TSPAN15: variants seen among roughly 807,000 people sequenced by gnomAD.
The protein encoded by TSPAN15 is tetraspanin 15, also known as tetraspanin-15.
TSPAN15 carries 20 observed loss-of-function variants against 34.5 expected under a neutral mutation model. That is an observed-to-expected ratio of 0.58 (90% CI 0.41 to 0.84). TSPAN15 has a LOEUF of 0.84. TSPAN15 is among the 40% of genes least tolerant of loss of function. The probability of loss-of-function intolerance (pLI) is 0.00; values close to 1 mark genes in which losing one functional copy is unlikely to be tolerated. For missense variants in TSPAN15, 313 were observed against 386.1 expected (o/e 0.81, Z 1.59); for synonymous variants, 155 against 153.9 (o/e 1.01, Z -0.05).
chr10:69,508,639 A>G (rs1484941962), downstream of TSPAN15, among the ~76,000 whole-genome samples: 1 of 149,558 alleles, frequency 6.7e-6, no homozygotes, highest in African/African-American at 2.6e-5. Context: ...TAACACAACA[A>G]TAACAAACAC....
chr10:69,533,300 G>A, the TSPAN15 span, among the ~76,000 whole-genome samples: 1 of 151,922 alleles, frequency 6.6e-6, no homozygotes, highest in Admixed American at 6.6e-5. Context: ...TAAAGAAACT[G>A]TGATATATAT....
At chr10:69,501,166 G>A (rs184379875) in intron 5 of TSPAN15, among the ~76,000 whole-genome samples, 1 of 152,192 alleles carries the variant, frequency 6.6e-6, no homozygotes, top group Admixed American at 6.5e-5. Flanking sequence ...CCGTGGACGT[G>A]GGGGGTTTGA....
At chr10:69,481,258 T>TC (rs1461894585) in intron 1 of TSPAN15, among the ~76,000 whole-genome samples, 1 of 152,204 alleles carries the variant, frequency 6.6e-6, no homozygotes, top group Non-Finnish European at 1.5e-5. Flanking sequence ...GCTGAGCTTG[T>TC]CAGTGTCTTG....
the TSPAN15 span, among the ~76,000 whole-genome samples, chr10:69,541,785 C>G: frequency 6.6e-6 from 1 of 152,218 alleles, no homozygotes; most frequent in Non-Finnish European, 1.5e-5. Context: ...AAGCAATGGC[C>G]TAAGCTATAC....
chr10:69,507,944 G>A (rs1652802), downstream of TSPAN15, among the ~76,000 whole-genome samples: 59,605 of 151,658 alleles, frequency 0.39, 12,126 homozygotes, highest in African/African-American at 0.5. Flanking sequence ...CCAGGGAAGC[G>A]GAGTTGCCCA....
chr10:69,543,441 G>A, the TSPAN15 span, among the ~76,000 whole-genome samples: 105 of 152,218 alleles, frequency 6.9e-4, no homozygotes, highest in Admixed American at 2.2e-3. Context: ...AATCAAATTC[G>A]TCCACTGTCT....
At chr10:69,472,736 G>A (rs1290369649) in intron 1 of TSPAN15, among the ~76,000 whole-genome samples, 3 of 152,188 alleles carry the variant, frequency 2.0e-5, no homozygotes, top group Non-Finnish European at 2.9e-5. Context: ...TTTACTGAGC[G>A]CCTGCCGGGT....
intron 5 of TSPAN15, among the ~76,000 whole-genome samples, chr10:69,503,303 C>T (rs1283975544): frequency 1.3e-5 from 2 of 152,166 alleles, no homozygotes; most frequent in East Asian, 1.9e-4. Context: ...GAGAAGACAC[C>T]CTCCCTTTCC....
chr10:69,521,321 C>T, the TSPAN15 span, among the ~76,000 whole-genome samples: 3 of 138,762 alleles, frequency 2.2e-5, 1 homozygote, highest in African/African-American at 7.7e-5. Context: ...ACCAGCCTGG[C>T]CAACATGGCG....
At chr10:69,532,568 A>T in the TSPAN15 span, among the ~76,000 whole-genome samples, 2 of 152,260 alleles carry the variant, frequency 1.3e-5, no homozygotes, top group African/African-American at 4.8e-5. Flanking sequence ...ACTTGAAACT[A>T]TAAAAATTCT....
the TSPAN15 span, among the ~76,000 whole-genome samples, chr10:69,547,039 T>TA: frequency 6.6e-5 from 10 of 151,766 alleles, no homozygotes; most frequent in African/African-American, 2.4e-4. Flanking sequence ...AATACAAAAT[T>TA]AAAAATATAA....
At chr10:69,459,112 A>T (rs1841183692) in intron 1 of TSPAN15, among the ~76,000 whole-genome samples, 1 of 124,632 alleles carries the variant, frequency 8.0e-6, no homozygotes, top group South Asian at 2.7e-4. Context: ...AGACAAAAAA[A>T]AAAAAAAAAA....
the TSPAN15 span, among the ~76,000 whole-genome samples, chr10:69,528,693 C>G: frequency 6.7e-6 from 1 of 148,286 alleles, no homozygotes; most frequent in Non-Finnish European, 1.5e-5. Context: ...TCACAGAAGC[C>G]CCACAGAGGA....
chr10:69,498,163 T>A (rs550330503), intron 4 of TSPAN15, 117 bp from the exon 5 acceptor site: 105 of 856,078 alleles, frequency 1.2e-4, no homozygotes, highest in Admixed American at 1.2e-3. Flanking sequence ...AGCCTCTCCC[T>A]GCCCCAGGGT....
At position 69,467,673 on chromosome 10, in the gene TSPAN15, C is replaced by CACACACAA. The variant is rs535692277; in HGVS notation, c.96+15985_96+15986insACACAAAC. ...ACACACACACACACACACACACACA[C>CACACACAA]ACCTCTTCTTGGAAAACAGAACTTG... On this transcript the variant is annotated intron_variant, in intron 1 of 7. Transcript: ENST00000373290. Among the ~76,000 whole-genome samples, 688 of 76,398 alleles carry CACACACAA rather than the reference C, an allele frequency of 9.0e-3. 13 individuals carry two copies. The highest frequency in any genetic ancestry group is 0.02 in the African/African-American group (660 of 33,590). The allele number at this position is 76,398 out of a possible 152,430, so 50.1% of individuals were successfully genotyped here. A position where few individuals can be genotyped will look rare whatever the true frequency, so the allele number is the denominator to read the frequency against.
At chr10:69,516,440 G>A in the TSPAN15 span, among the ~76,000 whole-genome samples, 1 of 152,232 alleles carries the variant, frequency 6.6e-6, no homozygotes, top group Non-Finnish European at 1.5e-5. Context: ...TGGGCATCAT[G>A]TGGCCACCAG....
chr10:69,547,759 C>T, the TSPAN15 span, among the ~76,000 whole-genome samples: 42 of 152,196 alleles, frequency 2.8e-4, no homozygotes, highest in Non-Finnish European at 5.0e-4. Context: ...TCCAAGAACA[C>T]ATCACCTGTC....
At chr10:69,539,536 A>AAGAAGAAGG in the TSPAN15 span, among the ~76,000 whole-genome samples, 4 of 71,510 alleles carry the variant, frequency 5.6e-5, no homozygotes, top group Non-Finnish European at 1.2e-4. Flanking sequence ...GAAGAAGAAG[A>AAGAAGAAGG]AGGAGAAGGA....
At chr10:69,492,549 C>T (rs1477695192) in intron 3 of TSPAN15, among the ~76,000 whole-genome samples, 1 of 152,216 alleles carries the variant, frequency 6.6e-6, no homozygotes, top group South Asian at 2.1e-4. Context: ...GCAGGGCCCC[C>T]CTTCCCCCAA....
Sources: gnomAD v4.1 joint callset for allele counts (sites outside exome capture counted in the v4.1 genomes callset) on GRCh38, gnomAD v4.1.1 for gene constraint, MANE v1.5 for transcripts, NCBI Gene and HGNC (gene_info 2026-07-23, HGNC 2026-07-21) for gene names.